The following MGAT4C variants were observed in gnomAD, a reference collection of about 807,000 sequenced individuals.
MGAT4C encodes the protein MGAT4 family member C, also known as alpha-1,3-mannosyl-glycoprotein 4-beta-N-acetylglucosaminyltransferase C.
A neutral mutation model predicts 40.1 loss-of-function variants in MGAT4C; 19 were observed. The observed-to-expected ratio is 0.47, with a 90% CI of 0.33 to 0.70. The LOEUF (loss-of-function observed/expected upper bound fraction) is 0.70. MGAT4C is among the 30% of genes least tolerant of loss of function. MGAT4C has a pLI of 0.02. For synonymous variants in MGAT4C, 181 were observed against 187.1 expected (o/e 0.97, Z 0.27); for missense variants, 491 against 563.2 (o/e 0.87, Z 1.30).
chr12:86,117,858 G>A lies in MGAT4C; in HGVS notation c.-56-68135C>T, dbSNP rs140577964. Among the ~76,000 whole-genome samples the A allele has an allele frequency of 1.4e-3, 208 of 152,218 alleles. 2 individuals carry two copies. Among genetic ancestry groups the A allele is most frequent in the Middle Eastern group, 3.4e-3 (1 of 294 alleles). ...CATAATGAACTTCATGGCCAAAATG[G>A]CAGTCAAACTGCCTTGAAATACAGG... On this transcript the variant is annotated intron_variant, in intron 1 of 4. Coordinates refer to ENST00000611864, the MANE Select transcript of MGAT4C (RefSeq NM_001351288.2).
intron 2 of MGAT4C, among the ~76,000 whole-genome samples, chr12:86,664,660 G>C (rs1200790928): frequency 1.3e-5 from 2 of 151,238 alleles, no homozygotes; most frequent in Non-Finnish European, 3.0e-5. Context: ...AAAGGTTAAA[G>C]AGACAAAAAA....
chr12:86,273,685 G>A (rs1953002523), intron 4 of MGAT4C, among the ~76,000 whole-genome samples: 1 of 152,046 alleles, frequency 6.6e-6, no homozygotes, highest in Admixed American at 6.6e-5. Context: ...AATAAAATGA[G>A]GGTCTTGTAG....
At chr12:86,559,267 A>G (rs1959756832) in intron 2 of MGAT4C, among the ~76,000 whole-genome samples, 1 of 151,980 alleles carries the variant, frequency 6.6e-6, no homozygotes, top group African/African-American at 2.4e-5. Flanking sequence ...TAGGTATGCA[A>G]AATATTAATG....
Position 86,298,870 on chromosome 12 carries a change from T to A in MGAT4C, c.-57+35195A>T, listed in dbSNP as rs1025160509. ...CTATACCAATCACTCAATAAGTGGT[T>A]ATTAAGAGAAAAAAATTGAATTTAA... On this transcript the variant is annotated intron_variant, in intron 4 of 7. Transcript: ENST00000548651. Among the ~76,000 whole-genome samples the A allele has an allele frequency of 9.2e-5, 14 of 152,240 alleles. No homozygotes were observed. The East Asian group carries it at 2.7e-3, about 29-fold the overall frequency.
intron 1 of MGAT4C, among the ~76,000 whole-genome samples, chr12:86,791,958 G>C (rs145491866): frequency 3.1e-4 from 47 of 152,216 alleles, no homozygotes; most frequent in African/African-American, 8.4e-4. Context: ...GGGGAGACGG[G>C]GCAAAATTCC....
Position 85,976,314 on chromosome 12 carries a change from GA to G in MGAT4C, c.*2974del, listed in dbSNP as rs1379932750. 2.7e-5 allele frequency: 4 copies of G among 150,894 alleles called. No homozygotes were observed. The highest frequency in any genetic ancestry group is 2.6e-4 in the Admixed American group (4 of 15,112). 9.3% of individuals were successfully genotyped at this position (150,894 alleles called of 1,614,324 possible). A position where few individuals can be genotyped will look rare whatever the true frequency, so the allele number is the denominator to read the frequency against. ...CAAAGTTATAGTTTTCAATGAATATGAAAAAGTTCTTGCATTAACATATTTT... is the reference window on the plus strand; with the variant it reads ...CAAAGTTATAGTTTTCAATGAATATGAAAAGTTCTTGCATTAACATATTTT... On this transcript the variant is annotated 3_prime_UTR_variant, in exon 5 of 5. Coordinates refer to ENST00000611864, the MANE Select transcript of MGAT4C (RefSeq NM_001351288.2).
chr12:86,825,183 G>A (rs955713111), intron 1 of MGAT4C, among the ~76,000 whole-genome samples: 1 of 151,226 alleles, frequency 6.6e-6, no homozygotes, highest in African/African-American at 2.4e-5. Context: ...ACCAAGGTTT[G>A]AGGAAAGAGG....
intron 2 of MGAT4C, among the ~76,000 whole-genome samples, chr12:86,534,622 G>A (rs193297692): frequency 6.6e-6 from 1 of 151,898 alleles, no homozygotes; most frequent in East Asian, 1.9e-4. Flanking sequence ...CTTTAAATAG[G>A]CCAGGAGAAA....
intron 3 of MGAT4C, among the ~76,000 whole-genome samples, chr12:86,404,138 G>A (rs1483441668): frequency 3.9e-5 from 6 of 152,046 alleles, no homozygotes; most frequent in Non-Finnish European, 8.8e-5. Flanking sequence ...AGCTTTGATT[G>A]CACCACTGCA....
chr12:86,453,594 T>C (rs539265887), intron 2 of MGAT4C, among the ~76,000 whole-genome samples: 2 of 152,238 alleles, frequency 1.3e-5, no homozygotes, highest in African/African-American at 4.8e-5. Flanking sequence ...CATTGAGAAC[T>C]TGACTCTCTC....
chr12:86,379,664 T>C (rs2136218678), intron 3 of MGAT4C, among the ~76,000 whole-genome samples: 1 of 152,260 alleles, frequency 6.6e-6, no homozygotes, highest in Non-Finnish European at 1.5e-5. Flanking sequence ...AATTACATTC[T>C]ATATAAAACA....
intron 1 of MGAT4C, among the ~76,000 whole-genome samples, chr12:86,087,015 T>C (rs188365350): frequency 3.5e-4 from 53 of 152,280 alleles, no homozygotes; most frequent in Non-Finnish European, 5.3e-4. Context: ...TTGTTTCTTA[T>C]GGCTGAATAA....
chr12:86,427,372 ATAT>A (rs1956948598), intron 3 of MGAT4C, among the ~76,000 whole-genome samples: 1 of 151,972 alleles, frequency 6.6e-6, no homozygotes, highest in African/African-American at 2.4e-5. Context: ...ATAATTATAC[ATAT>A]TATAATTATA....
At chr12:86,537,567 G>C (rs1959096884) in intron 2 of MGAT4C, among the ~76,000 whole-genome samples, 1 of 152,050 alleles carries the variant, frequency 6.6e-6, no homozygotes, top group Non-Finnish European at 1.5e-5. Context: ...TTTCAGTTTT[G>C]CATGCCCTGT....
At chr12:86,313,779 C>G (rs963950077) in intron 4 of MGAT4C, among the ~76,000 whole-genome samples, 4 of 152,082 alleles carry the variant, frequency 2.6e-5, no homozygotes, top group African/African-American at 9.7e-5. Context: ...TGGCTGGTGA[C>G]AAATATTAGT....
At chr12:86,472,336 C>T (rs1255307793) in intron 2 of MGAT4C, among the ~76,000 whole-genome samples, 2 of 152,106 alleles carry the variant, frequency 1.3e-5, no homozygotes, top group African/African-American at 2.4e-5. Context: ...ATTAAATTTG[C>T]TAAAGGGAAG....
At chr12:86,491,278 A>C (rs570428127) in intron 2 of MGAT4C, among the ~76,000 whole-genome samples, 11 of 152,250 alleles carry the variant, frequency 7.2e-5, no homozygotes, top group South Asian at 2.1e-4. Context: ...AGAGGGAATC[A>C]TCCCTAACTC....
chr12:86,710,312 G>A (rs1023297923), intron 2 of MGAT4C, among the ~76,000 whole-genome samples: 7 of 152,094 alleles, frequency 4.6e-5, no homozygotes, highest in Non-Finnish European at 8.8e-5. Flanking sequence ...AACCTTTCTA[G>A]TAAGCAATTT....
intron 3 of MGAT4C, among the ~76,000 whole-genome samples, chr12:86,340,952 CT>C (rs1443863918): frequency 1.8e-4 from 26 of 146,798 alleles, no homozygotes; most frequent in South Asian, 1.7e-3. Flanking sequence ...TTTAAAAGGG[CT>C]TATAAAAGTA....
Sources: gnomAD v4.1 joint callset for allele counts (sites outside exome capture counted in the v4.1 genomes callset) on GRCh38, gnomAD v4.1.1 for gene constraint, MANE v1.5 for transcripts, NCBI Gene and HGNC (gene_info 2026-07-23, HGNC 2026-07-21) for gene names.